The following FOXD4 variants were observed in gnomAD, a reference collection of about 807,000 sequenced individuals.
FOXD4 encodes forkhead box D4.
A neutral mutation model predicts 26.5 loss-of-function variants in FOXD4; 22 were observed. The ratio of observed to expected loss-of-function variants is 0.83; its 90% CI spans 0.59 to 1.18. The LOEUF (loss-of-function observed/expected upper bound fraction) is 1.18. Ranked by LOEUF, FOXD4 falls within the 50% of genes most tolerant of loss-of-function variation. The pLI, the probability that FOXD4 is intolerant of heterozygous loss-of-function variation, is 0.00. For missense variants in FOXD4, 625 were observed against 605.8 expected (o/e 1.03, Z -0.33); for synonymous variants, 258 against 273.7 (o/e 0.94, Z 0.57).
rs990699333 is a variant in FOXD4 at position 117,737 on chromosome 9, C to T, written c.383G>A (p.Ser128Asn). 11 of 1,613,104 alleles carry T rather than the reference C, an allele frequency of 6.8e-6. No homozygotes were observed. The African/African-American group carries it at 1.1e-4, about 16-fold the overall frequency. Reference sequence around the variant, plus strand: ...GTCACTAATGAAGGCGCAGATGCCGCTGAGCGTGAGGCGCTTGTGCGGGCT... The same window carrying T: ...GTCACTAATGAAGGCGCAGATGCCGTTGAGCGTGAGGCGCTTGTGCGGGCT... ...LQSPHKRLTLSGICAFISDRF... is the reference protein window; with the variant it reads ...LQSPHKRLTLNGICAFISDRF... Residue 128 changes from serine (S) to asparagine (N), a missense_variant, in exon 1 of 1, where the codon AGC (serine) becomes AAC (asparagine). Coordinates refer to ENST00000382500, the MANE Select transcript of FOXD4 (RefSeq NM_207305.5).
rs377552571 is a variant in FOXD4 at position 117,893 on chromosome 9, G to A, written c.227C>T (p.Pro76Leu). The A allele has an allele frequency of 6.2e-7, 1 of 1,611,844 alleles. No individual in the cohort carries two copies. The highest frequency in any genetic ancestry group is 8.5e-7 in the Non-Finnish European group (1 of 1,179,748). ...PREHIEGGGG[P>L]SDPSEFGTEF... ...GGTGCCAAACTCTGAGGGGTCGCTC[G>A]GGCCGCCGCCGCCCTCGATGTGCTC... The change falls in exon 1 of 1, where the codon CCG (proline) becomes CTG (leucine). Residue 76 changes from proline (P) to leucine (L), a missense_variant. Physicochemically the swap from Pro to Leu is moderately conservative, Grantham distance 98. This residue lies in a region of FOXD4 where 399 missense variants were observed against 329.4 expected (regional missense o/e 1.21). Coordinates refer to ENST00000382500, the MANE Select transcript of FOXD4 (RefSeq NM_207305.5).
rs746291959 is a variant in FOXD4, at chr9:117,422, A to C, written c.698T>G (p.Leu233Arg). The change falls in exon 1 of 1, where the codon CTT becomes CGT. Residue 233 changes from leucine (L) to arginine (R), a missense_variant. Transcript: ENST00000382500. ...ALHNPRPGPL[L>R]GAPAPPQPVP... is the part of the protein sequence containing the mutation. ...TGGCTGCGGCGGGGCAGGGGCCCCA[A>C]GCAGAGGGCCTGGGCGGGGGTTGTG... 6.3e-7 allele frequency: 1 copy of C among 1,594,218 alleles called. No individual in the cohort carries two copies. Among genetic ancestry groups the C allele is most frequent in the East Asian group, 2.2e-5 (1 of 44,796 alleles).
At position 117,800 on chromosome 9, in the gene FOXD4, G is replaced by C. The variant is rs2492217; in HGVS notation, c.320C>G (p.Ser107Cys). 8 of 1,541,596 alleles carry C rather than the reference G, an allele frequency of 5.2e-6. No individual in the cohort carries two copies. In the East Asian group the frequency reaches 1.5e-4, roughly 29 times the overall value. ...CATGGTGATGAGCGCGATGTACGAG[G>C]AGGGGGGCTTTGCCGGCTGCCGGGC... ...EDARQPAKPPSSYIALITMAI... is the reference protein window; with the variant it reads ...EDARQPAKPPCSYIALITMAI... Residue 107 changes from serine to cysteine, a missense_variant, in exon 1 of 1, where the codon TCC (serine) becomes TGC (cysteine). Ser to Cys is a moderately radical substitution (Grantham distance 112, BLOSUM62 -1). Around this residue, in one of 3 missense-constraint regions of FOXD4, gnomAD observed 399 missense variants for 329.4 expected, o/e 1.21. Coordinates refer to ENST00000382500, the MANE Select transcript of FOXD4 (RefSeq NM_207305.5).
chr9:116,609 G>A lies in FOXD4; in HGVS notation c.*191C>T. 9.9e-7 allele frequency: 1 copy of A among 1,007,606 alleles called. No homozygotes were observed. The highest frequency in any genetic ancestry group is 1.4e-6 in the Non-Finnish European group (1 of 694,644). The allele number at this position is 1,007,606 out of a possible 1,614,324, so 62.4% of individuals were successfully genotyped here. ...GCCACAACCGAAGGCAAGAAAAGAT[G>A]ACTTGACGCCCTGCGAAGGTTACGT... On this transcript the variant is annotated 3_prime_UTR_variant, in exon 1 of 1. Transcript: ENST00000382500.
rs1819354197 is a variant in FOXD4, at chr9:116,247, CA to C, written c.*552del. On this transcript the variant is annotated 3_prime_UTR_variant, in exon 1 of 1. Coordinates refer to ENST00000382500, the MANE Select transcript of FOXD4 (RefSeq NM_207305.5). ...TAAACGATGTAGTGTAGTGACTTAG[CA>C]TTTTATTTCGTCTATATAACTAGGC... 1 of 173,700 alleles carries C rather than the reference CA, an allele frequency of 5.8e-6. No homozygotes were observed. Among genetic ancestry groups the C allele is most frequent in the Admixed American group, 5.9e-5 (1 of 16,938 alleles). The allele number at this position is 173,700 out of a possible 1,614,324, so 10.8% of individuals were successfully genotyped here.
chr9:116,841 G>A lies in FOXD4; in HGVS notation c.1279C>T (p.Pro427Ser), dbSNP rs550119004. Residue 427 changes from proline (P) to serine (S), a missense_variant, in exon 1 of 1, where the codon CCC becomes TCC. Transcript: ENST00000382500. Reference protein sequence around the residue: ...EGTSPVFLVSPTPSSLAESAG... With the variant: ...EGTSPVFLVSSTPSSLAESAG... Reference sequence around the variant, plus strand: ...GACTCGGCCAGGGAACTGGGCGTGGGCGATACTAAAAAAACTGGTGAGGTC... The same window carrying A: ...GACTCGGCCAGGGAACTGGGCGTGGACGATACTAAAAAAACTGGTGAGGTC... 1.7e-4 allele frequency: 276 copies of A among 1,607,448 alleles called. 1 individual carries two copies. In the South Asian group the frequency reaches 2.8e-3, roughly 16 times the overall value.
chr9:118,030 C>G lies in FOXD4; in HGVS notation c.90G>C (p.Leu30=). 1 of 1,612,000 alleles carries G rather than the reference C, an allele frequency of 6.2e-7. No homozygotes were observed. ...CCTCGTCTTCATCTTCCTCCTCTCC[C>G]AGGACATCGATTTTACCGTCTTCCC... The part of the protein sequence containing the change: ...SDGEDGKIDV[L]GEEEDEDEEE... The change falls in exon 1 of 1, where the codon CTG becomes CTC. Residue 30 remains leucine, a synonymous_variant. Coordinates refer to ENST00000382500, the MANE Select transcript of FOXD4 (RefSeq NM_207305.5).
At position 117,795 on chromosome 9, in the gene FOXD4, A is replaced by T. The variant is rs1819409052; in HGVS notation, c.325T>A (p.Tyr109Asn). 6.2e-7 allele frequency: 1 copy of T among 1,613,062 alleles called. No homozygotes were observed. The change falls in exon 1 of 1, where the codon TAC (tyrosine) becomes AAC (asparagine). Residue 109 changes from tyrosine to asparagine, a missense_variant. Tyr to Asn is a moderately radical substitution (Grantham distance 143). Coordinates refer to ENST00000382500, the MANE Select transcript of FOXD4 (RefSeq NM_207305.5). The stretch of plus-strand genomic sequence containing the variant: ...ATGGCCATGGTGATGAGCGCGATGT[A>T]CGAGGAGGGGGGCTTTGCCGGCTGC... ...ARQPAKPPSSYIALITMAILQ... is the reference protein window; with the variant it reads ...ARQPAKPPSSNIALITMAILQ...
rs1819361702 is a variant in FOXD4 at position 116,602 on chromosome 9, A to C, written c.*198T>G. On this transcript the variant is annotated 3_prime_UTR_variant, in exon 1 of 1. Coordinates refer to ENST00000382500, the MANE Select transcript of FOXD4 (RefSeq NM_207305.5). ...CACAGAAGCCACAACCGAAGGCAAG[A>C]AAAGATGACTTGACGCCCTGCGAAG... 5.0e-6 allele frequency: 5 copies of C among 991,352 alleles called. No individual in the cohort carries two copies. In the South Asian group the frequency reaches 8.8e-5, roughly 17 times the overall value. The allele number at this position is 991,352 out of a possible 1,614,324, so 61.4% of individuals were successfully genotyped here. A position where few individuals can be genotyped will look rare whatever the true frequency, so the allele number is the denominator to read the frequency against.
In FOXD4 at chr9:116,812, T is replaced by C. The variant is rs1156939370; in HGVS notation, c.1308A>G (p.Ala436=). The change falls in exon 1 of 1, where the codon GCA becomes GCG. Residue 436 remains alanine (A), a synonymous_variant. Transcript: ENST00000382500. ...CTCCCACCTGGCTCTAGGAGGGCCC[T>C]GCGGACTCGGCCAGGGAACTGGGCG... ...SPTPSSLAES[A]GPS The C allele has an allele frequency of 2.5e-6, 4 of 1,600,172 alleles. No homozygotes were observed. Among genetic ancestry groups the C allele is most frequent in the African/African-American group, 1.3e-5 (1 of 74,420 alleles).
chr9:116,936 A>G lies in FOXD4; in HGVS notation c.1184T>C (p.Leu395Pro), dbSNP rs368083509. 3 of 1,611,142 alleles carry G rather than the reference A, an allele frequency of 1.9e-6. No individual in the cohort carries two copies. In the African/African-American group the frequency reaches 4.0e-5, roughly 22 times the overall value. Residue 395 changes from leucine (L) to proline (P), a missense_variant, in exon 1 of 1, where the codon CTG becomes CCG. Coordinates refer to ENST00000382500, the MANE Select transcript of FOXD4 (RefSeq NM_207305.5). ...CTCTGCCACCGCCTGATACCGCAGC[A>G]GCGCCGACGCGGCCGACAGGTGCCC... ...LGGHLSAASA[L>P]LRYQAVAEGS...
chr9:117,749 C>G lies in FOXD4; in HGVS notation c.371G>C (p.Arg124Pro), dbSNP rs777576798. 14 of 1,613,188 alleles carry G rather than the reference C, an allele frequency of 8.7e-6. No homozygotes were observed. The Admixed American group carries it at 2.3e-4, about 27-fold the overall frequency. The change falls in exon 1 of 1, where the codon CGC becomes CCC. Residue 124 changes from arginine (R) to proline (P), a missense_variant. By Grantham distance (103) the Arg-to-Pro change is moderately radical (BLOSUM62 -2). Around this residue, in one of 3 missense-constraint regions of FOXD4, gnomAD observed 399 missense variants for 329.4 expected, o/e 1.21. Coordinates refer to ENST00000382500, the MANE Select transcript of FOXD4 (RefSeq NM_207305.5). ...TMAILQSPHK[R>P]LTLSGICAFI... ...GGCGCAGATGCCGCTGAGCGTGAGG[C>G]GCTTGTGCGGGCTTTGCAGGATGGC...
chr9:118,224 T>C lies in FOXD4; in HGVS notation c.-105A>G. ...TGAATGTTGCAAGAAGCAGGAACGCTAGTGGTTACCCTTTGGGATGTTTTC... is the reference window on the plus strand; with the variant it reads ...TGAATGTTGCAAGAAGCAGGAACGCCAGTGGTTACCCTTTGGGATGTTTTC... On this transcript the variant is annotated 5_prime_UTR_variant, in exon 1 of 1. Transcript: ENST00000382500. 5 of 1,604,882 alleles carry C rather than the reference T, an allele frequency of 3.1e-6. No individual in the cohort carries two copies. The highest frequency in any genetic ancestry group is 1.1e-5 in the South Asian group (1 of 90,612).
At position 116,995 on chromosome 9, in the gene FOXD4, G is replaced by A. The variant is rs749705808; in HGVS notation, c.1125C>T (p.Asn375=). The A allele has an allele frequency of 1.2e-6, 2 of 1,612,024 alleles. No homozygotes were observed. Among genetic ancestry groups the A allele is most frequent in the Non-Finnish European group, 1.7e-6 (2 of 1,179,832 alleles). ...CCGCGCCCTTGGTGGGAGCGCAGCC[G>A]TTGGCGCAGTCCTCCTCCTGATGCC... is the stretch of plus-strand genomic sequence containing the variant. ...QQRHQEEDCA[N]GCAPTKGAVL... is the part of the protein sequence containing the mutation. The change falls in exon 1 of 1, where the codon AAC becomes AAT. Residue 375 remains asparagine (N), a synonymous_variant. Transcript: ENST00000382500.
rs1819423491 is a variant in FOXD4, at chr9:118,085, G to A, written c.35C>T (p.Thr12Ile). The change falls in exon 1 of 1, where the codon ACA becomes ATA. Residue 12 changes from threonine (T) to isoleucine (I), a missense_variant. Thr to Ile is a moderately conservative substitution (Grantham distance 89). Around this residue, in one of 3 missense-constraint regions of FOXD4, gnomAD observed 399 missense variants for 329.4 expected, o/e 1.21. Coordinates refer to ENST00000382500, the MANE Select transcript of FOXD4 (RefSeq NM_207305.5). ...NLPRAERLRS[T>I]PQRSLRDSDG... Reference sequence around the variant, plus strand: ...GGAGTCCCGGAGGCTGCGCTGCGGTGTGGAGCGAAGGCGCTCAGCTCTTGG... The same window carrying A: ...GGAGTCCCGGAGGCTGCGCTGCGGTATGGAGCGAAGGCGCTCAGCTCTTGG... 7 of 1,612,028 alleles carry A rather than the reference G, an allele frequency of 4.3e-6. No individual in the cohort carries two copies. The highest frequency in any genetic ancestry group is 1.1e-5 in the South Asian group (1 of 90,998).
rs1310402533 is a variant in FOXD4, at chr9:118,322, G to C, written c.-203C>G. The C allele has an allele frequency of 1.2e-5, 13 of 1,092,160 alleles. 1 individual carries two copies. In the African/African-American group the frequency reaches 1.7e-4, roughly 15 times the overall value. The allele number at this position is 1,092,160 out of a possible 1,614,324, so 67.7% of individuals were successfully genotyped here. The stretch of plus-strand genomic sequence containing the variant: ...TCGCCTTTTATAAAAGCTTCTTCAA[G>C]ACCATGTGTGGTGGACGCCTCCCTT... On this transcript the variant is annotated 5_prime_UTR_variant, in exon 1 of 1. Transcript: ENST00000382500.
In FOXD4 at chr9:117,332, G is replaced by A. The variant is rs959267902; in HGVS notation, c.788C>T (p.Pro263Leu). The change falls in exon 1 of 1, where the codon CCT becomes CTT. Residue 263 changes from proline (P) to leucine (L), a missense_variant. Physicochemically the swap from Pro to Leu is moderately conservative, Grantham distance 98. This residue lies in a region of FOXD4 where 92 missense variants were observed against 144.2 expected (regional missense o/e 0.64). Transcript: ENST00000382500. ...GGCCGAGAGCAGTAGGTAGCGAGGA[G>A]GATGCGGGTGCAGCAGAGCGTAAGG... Reference protein sequence around the residue: ...RRPYALLHPHPPRYLLLSAPA... With the variant: ...RRPYALLHPHLPRYLLLSAPA... 1 of 1,597,814 alleles carries A rather than the reference G, an allele frequency of 6.3e-7. No individual in the cohort carries two copies. Among genetic ancestry groups the A allele is most frequent in the East Asian group, 2.2e-5 (1 of 44,868 alleles).
chr9:117,967 G>C lies in FOXD4; in HGVS notation c.153C>G (p.Leu51=). 2 of 1,611,970 alleles carry C rather than the reference G, an allele frequency of 1.2e-6. No homozygotes were observed. Among genetic ancestry groups the C allele is most frequent in the Non-Finnish European group, 1.7e-6 (2 of 1,179,802 alleles). ...ACCGGGCCACCTGCAGCCCCGGCTG[G>C]AGCGACTGCTCTAGGAACTGCTGGC... The part of the protein sequence containing the change: ...AASQQFLEQS[L]QPGLQVARWG... The change falls in exon 1 of 1, where the codon CTC becomes CTG. Residue 51 remains leucine (L), a synonymous_variant. Coordinates refer to ENST00000382500, the MANE Select transcript of FOXD4 (RefSeq NM_207305.5).
Position 116,429 on chromosome 9 carries a change from C to T in FOXD4, c.*371G>A, listed in dbSNP as rs1394047630. The T allele has an allele frequency of 8.2e-6, 3 of 365,708 alleles. No homozygotes were observed. Among genetic ancestry groups the T allele is most frequent in the African/African-American group, 6.3e-5 (3 of 47,300 alleles). The allele number at this position is 365,708 out of a possible 1,614,324, so 22.7% of individuals were successfully genotyped here. On this transcript the variant is annotated 3_prime_UTR_variant, in exon 1 of 1. Coordinates refer to ENST00000382500, the MANE Select transcript of FOXD4 (RefSeq NM_207305.5). ...TTTTGCACTAGACTTAGGAATAATACTTCCAGTTCCAAGGAAGTGAAGAAG... is the reference window on the plus strand; with the variant it reads ...TTTTGCACTAGACTTAGGAATAATATTTCCAGTTCCAAGGAAGTGAAGAAG...
Sources: allele counts gnomAD v4.1 joint callset, GRCh38; gene constraint gnomAD v4.1.1; regional missense constraint gnomAD v4.1.1; transcripts MANE v1.5; gene names NCBI Gene and HGNC (gene_info 2026-07-23, HGNC 2026-07-21).